ERI3: variants seen among roughly 807,000 people sequenced by gnomAD.
ERI3 encodes ERI1 exoribonuclease 3.
In ERI3, 18 loss-of-function variants were observed where a neutral mutation model predicts 44.4. That is an observed-to-expected ratio of 0.41 (90% confidence interval 0.28 to 0.60). The LOEUF is 0.60. Ranked by LOEUF, ERI3 falls within the 20% of genes least tolerant of loss-of-function variation. The pLI, the probability that ERI3 is intolerant of heterozygous loss-of-function variation, is 0.36. For missense variants in ERI3, 294 were observed against 435.5 expected (o/e 0.68, Z 2.89); for synonymous variants, 183 against 164.8 (o/e 1.11, Z -0.84).
chr1:44,259,711 C>CAG (rs1195886885), intron 7 of ERI3, among the ~76,000 whole-genome samples: 1 of 151,466 alleles, frequency 6.6e-6, no homozygotes, highest in Non-Finnish European at 1.5e-5. Flanking sequence ...CACACACACA[C>CAG]ACACACACAC....
intron 7 of ERI3, among the ~76,000 whole-genome samples, chr1:44,279,810 A>G (rs1415529230): frequency 6.6e-6 from 1 of 152,210 alleles, no homozygotes; most frequent in Non-Finnish European, 1.5e-5. Flanking sequence ...GTGCTACTAT[A>G]ATACTCTTTG....
intron 7 of ERI3, chr1:44,283,925 G>C: frequency 2.2e-6 from 1 of 453,434 alleles, no homozygotes; most frequent in East Asian, 7.1e-5. Flanking sequence ...TCAAATCCTC[G>C]CCATACCTAG....
At chr1:44,238,441 C>A (rs148400300) in intron 8 of ERI3, among the ~76,000 whole-genome samples, 1 of 152,172 alleles carries the variant, frequency 6.6e-6, no homozygotes, top group Non-Finnish European at 1.5e-5. Flanking sequence ...CGGGACAGGT[C>A]GGGGAGGGGC....
intron 7 of ERI3, among the ~76,000 whole-genome samples, chr1:44,250,644 G>A (rs1238993187): frequency 1.3e-5 from 2 of 152,110 alleles, no homozygotes; most frequent in Non-Finnish European, 2.9e-5. Context: ...GCGGCCGTGG[G>A]TGTCATGCCG....
At chr1:44,295,897 C>T (rs1185824537) in intron 6 of ERI3, among the ~76,000 whole-genome samples, 1 of 152,188 alleles carries the variant, frequency 6.6e-6, no homozygotes, top group Non-Finnish European at 1.5e-5. Flanking sequence ...CCCCTGGCTT[C>T]CTGTAGCCTG....
chr1:44,297,682 A>G (rs117300634), intron 6 of ERI3, among the ~76,000 whole-genome samples: 1,853 of 152,250 alleles, frequency 0.012, 72 homozygotes, highest in East Asian at 0.069. Context: ...TCTGCATAGC[A>G]TCTGCACTAG....
At chr1:44,234,329 T>A (rs1644255414) in intron 8 of ERI3, among the ~76,000 whole-genome samples, 1 of 152,206 alleles carries the variant, frequency 6.6e-6, no homozygotes, top group Admixed American at 6.5e-5. Flanking sequence ...CTTTCTTCCA[T>A]GGTGTCCTTT....
intron 1 of ERI3, chr1:44,353,520 T>A (rs771652010): frequency 2.0e-6 from 2 of 985,322 alleles, no homozygotes; most frequent in African/African-American, 3.5e-5. Flanking sequence ...GTCTTTTGCA[T>A]AAAGAAACAC....
At chr1:44,351,107 C>T (rs1646881470) in intron 2 of ERI3, among the ~76,000 whole-genome samples, 1 of 151,586 alleles carries the variant, frequency 6.6e-6, no homozygotes, top group Non-Finnish European at 1.5e-5. Context: ...CATCTCAGCT[C>T]ACTGCAACCT....
intron 5 of ERI3, among the ~76,000 whole-genome samples, chr1:44,312,485 G>T (rs542152038): frequency 6.6e-6 from 1 of 152,190 alleles, no homozygotes; most frequent in South Asian, 2.1e-4. Context: ...TACAGCGCAA[G>T]AAACAGCATC....
chr1:44,296,930 G>A (rs1457307660), intron 6 of ERI3, among the ~76,000 whole-genome samples: 4 of 152,166 alleles, frequency 2.6e-5, no homozygotes, highest in Admixed American at 6.5e-5. Flanking sequence ...CACATGCACC[G>A]CTCCTCCAGT....
chr1:44,328,826 C>T (rs1646369547), intron 3 of ERI3, among the ~76,000 whole-genome samples: 1 of 152,166 alleles, frequency 6.6e-6, no homozygotes, highest in Non-Finnish European at 1.5e-5. Context: ...CAAACCCTTA[C>T]TTGACCCACT....
chr1:44,327,151 T>C (rs2154329992), intron 3 of ERI3, among the ~76,000 whole-genome samples: 1 of 152,326 alleles, frequency 6.6e-6, no homozygotes, highest in African/African-American at 2.4e-5. Context: ...AGACACACAT[T>C]TGTCATGAAA....
chr1:44,229,187 G>A (rs574597841), intron 8 of ERI3, among the ~76,000 whole-genome samples: 5 of 152,136 alleles, frequency 3.3e-5, no homozygotes, highest in Non-Finnish European at 7.4e-5. Context: ...CAGACATGGG[G>A]CCAGAACCTG....
chr1:44,262,110 G>A (rs1317999992), intron 7 of ERI3, among the ~76,000 whole-genome samples: 1 of 152,120 alleles, frequency 6.6e-6, no homozygotes, highest in East Asian at 1.9e-4. Flanking sequence ...GTGTCCCTCA[G>A]GCTCGCTAAA....
rs746573016 is a variant in ERI3 at position 44,339,342 on chromosome 1, AAAAAAAAAAAAAAAAAGAAAAGAAAG to A, written c.212-46_212-21del. On this transcript the variant is annotated intron_variant, in intron 2 of 8. Coordinates refer to ENST00000372257, the MANE Select transcript of ERI3 (RefSeq NM_024066.3). ...CTAAAACTTAGGGGAGGAAAGTTTA[AAAAAAAAAAAAAAAAAGAAAAGAAAG>A]AAAAAAAAAAAAAGAACAGAGAGCC... is the stretch of plus-strand genomic sequence containing the variant. 31 of 1,064,588 alleles carry A rather than the reference AAAAAAAAAAAAAAAAAGAAAAGAAAG, an allele frequency of 2.9e-5. No homozygotes were observed. The highest frequency in any genetic ancestry group is 1.4e-4 in the East Asian group (4 of 29,160). 65.9% of individuals were successfully genotyped at this position (1,064,588 alleles called of 1,614,324 possible). A position where few individuals can be genotyped will look rare whatever the true frequency, so the allele number is the denominator to read the frequency against.
chr1:44,271,907 G>A (rs780514698), intron 7 of ERI3, among the ~76,000 whole-genome samples: 2 of 152,200 alleles, frequency 1.3e-5, no homozygotes, highest in Admixed American at 1.3e-4. Context: ...CTGAGGGTAA[G>A]CTGGTCCAAG....
intron 6 of ERI3, among the ~76,000 whole-genome samples, chr1:44,293,515 A>G (rs545009040): frequency 6.6e-6 from 1 of 152,336 alleles, no homozygotes; most frequent in African/African-American, 2.4e-5. Context: ...CCCCACGGCA[A>G]GGGGTTACAG....
chr1:44,230,264 C>T (rs1434208944), intron 8 of ERI3: 3 of 152,234 alleles, frequency 2.0e-5, no homozygotes, highest in Admixed American at 2.0e-4. Context: ...CCGCCTCCCC[C>T]AGATCAATCC....
Sources: allele counts gnomAD v4.1 joint callset (sites outside exome capture counted in the v4.1 genomes callset), GRCh38; gene constraint gnomAD v4.1.1; transcripts MANE v1.5; gene names NCBI Gene and HGNC (gene_info 2026-07-23, HGNC 2026-07-21).